The following CDH13 variants were observed in gnomAD, a reference collection of about 807,000 sequenced individuals.
The protein encoded by CDH13 is cadherin 13, also known as cadherin-13.
CDH13 carries 24 observed loss-of-function variants against 63.8 expected under a neutral mutation model. The ratio of observed to expected loss-of-function variants is 0.38; its 90% CI spans 0.27 to 0.53. The LOEUF (loss-of-function observed/expected upper bound fraction) is 0.53, where lower values mean the gene tolerates loss of function less well. Ranked by LOEUF, CDH13 falls within the 20% of genes least tolerant of loss-of-function variation. The pLI, the probability that CDH13 is intolerant of heterozygous loss-of-function variation, is 0.85. For synonymous variants in CDH13, 503 were observed against 355.3 expected (o/e 1.42, Z -4.67); for missense variants, 1,049 against 903.1 (o/e 1.16, Z -2.07).
chr16:83,334,210 C>T (rs1010278038), intron 5 of CDH13, among the ~76,000 whole-genome samples: 1 of 151,976 alleles, frequency 6.6e-6, no homozygotes, highest in African/African-American at 2.4e-5. Flanking sequence ...TTGGGCCTAG[C>T]CAGATGCCAT....
intron 7 of CDH13, among the ~76,000 whole-genome samples, chr16:83,522,103 G>C (rs2074851547): frequency 6.6e-6 from 1 of 152,204 alleles, no homozygotes; most frequent in Admixed American, 6.5e-5. Flanking sequence ...GCTGCGCAGA[G>C]TGCAGGTCCA....
chr16:82,837,733 C>G (rs768945541), intron 1 of CDH13, among the ~76,000 whole-genome samples: 4 of 152,172 alleles, frequency 2.6e-5, no homozygotes, highest in Non-Finnish European at 4.4e-5. Context: ...GGGAGCTCAT[C>G]GAGCTGGTCA....
intron 6 of CDH13, among the ~76,000 whole-genome samples, chr16:83,404,850 A>C (rs1472904750): frequency 6.6e-6 from 1 of 152,196 alleles, no homozygotes; most frequent in Admixed American, 6.5e-5. Flanking sequence ...GACGCCGTGT[A>C]TATAGTTCTT....
At position 83,501,827 on chromosome 16, in the gene CDH13, A is replaced by G. The variant is rs145664680; in HGVS notation, c.960+15172A>G. On this transcript the variant is annotated intron_variant, in intron 7 of 13. Coordinates refer to ENST00000567109, the MANE Select transcript of CDH13 (RefSeq NM_001257.5). ...CTCAAGGACAACTTTATCTTTTATC[A>G]GACTCATTTCAGGGATTTCTGTATT... 3.0e-3 allele frequency among the ~76,000 whole-genome samples: 452 copies of G among 152,336 alleles called. 7 individuals carry two copies. Among genetic ancestry groups the G allele is most frequent in the African/African-American group, 0.01 (430 of 41,568 alleles).
chr16:83,613,710 G>A (rs1180185363), intron 8 of CDH13, among the ~76,000 whole-genome samples: 1 of 152,096 alleles, frequency 6.6e-6, no homozygotes, highest in Non-Finnish European at 1.5e-5. Context: ...GCGCCCACCT[G>A]TAGTCTCAGC....
intron 2 of CDH13, among the ~76,000 whole-genome samples, chr16:82,939,709 C>A (rs974150029): frequency 1.3e-5 from 2 of 152,156 alleles, no homozygotes; most frequent in South Asian, 4.1e-4. Flanking sequence ...TTCTCCTCAC[C>A]GGTTCCCACT....
chr16:83,648,114 A>G (rs1912009847), intron 8 of CDH13, among the ~76,000 whole-genome samples: 1 of 152,182 alleles, frequency 6.6e-6, no homozygotes, highest in Non-Finnish European at 1.5e-5. Flanking sequence ...TAAAGGCAAC[A>G]AAGCAGGAGT....
rs1007492336 is a variant in CDH13 at position 83,420,829 on chromosome 16, C to T, written c.782-65648C>T. On this transcript the variant is annotated intron_variant, in intron 6 of 13. Transcript: ENST00000567109. ...AGGCCCGAGAGCTCCTGGCAAGTCA[C>T]TGGTGAAAGTCCCAGAGTCCAAAGG... Among the ~76,000 whole-genome samples the T allele has an allele frequency of 2.2e-4, 33 of 152,202 alleles. 1 individual carries two copies. The highest frequency in any genetic ancestry group is 7.7e-4 in the African/African-American group (32 of 41,456).
At chr16:83,727,469 A>T (rs1910543106) in intron 10 of CDH13, among the ~76,000 whole-genome samples, 1 of 151,754 alleles carries the variant, frequency 6.6e-6, no homozygotes, top group African/African-American at 2.4e-5. Context: ...CTCCCAGCAC[A>T]TCTTCTTCTG....
chr16:83,090,735 T>G (rs945085269), intron 3 of CDH13, among the ~76,000 whole-genome samples: 2 of 152,148 alleles, frequency 1.3e-5, no homozygotes, highest in Non-Finnish European at 2.9e-5. Context: ...GATTAAACTT[T>G]AAAACAACAA....
At chr16:83,267,638 C>G (rs149119590) in intron 5 of CDH13, among the ~76,000 whole-genome samples, 29 of 152,218 alleles carry the variant, frequency 1.9e-4, no homozygotes, top group African/African-American at 6.7e-4. Context: ...AGGATGAGTT[C>G]GGCCCCCTTC....
intron 6 of CDH13, among the ~76,000 whole-genome samples, chr16:83,395,329 CAAGG>C (rs1442025158): frequency 1.0e-4 from 15 of 150,648 alleles, no homozygotes; most frequent in South Asian, 2.1e-4. Context: ...AAAAAAAAGT[CAAGG>C]AAGATCAAAT....
At chr16:83,651,913 T>C (rs191036985) in intron 8 of CDH13, among the ~76,000 whole-genome samples, 2 of 152,320 alleles carry the variant, frequency 1.3e-5, no homozygotes, top group East Asian at 1.9e-4. Flanking sequence ...TTTTTTAATG[T>C]GACAGAGTGC....
At chr16:83,112,054 G>A (rs566945507) in intron 3 of CDH13, among the ~76,000 whole-genome samples, 1 of 152,156 alleles carries the variant, frequency 6.6e-6, no homozygotes, top group Non-Finnish European at 1.5e-5. Context: ...GAGTTCTAGG[G>A]CTTTGTTCCA....
At chr16:82,898,503 A>C (rs9936039) in intron 2 of CDH13, among the ~76,000 whole-genome samples, 121,526 of 152,164 alleles carry the variant, frequency 0.8, 48,799 homozygotes, top group African/African-American at 0.88. Context: ...ACAGCTTGGG[A>C]GACAGATTGA....
chr16:83,159,108 C>G (rs2037338380), intron 4 of CDH13, among the ~76,000 whole-genome samples: 1 of 151,894 alleles, frequency 6.6e-6, no homozygotes, highest in Non-Finnish European at 1.5e-5. Context: ...TGTAGCTTAT[C>G]TATTTTTTTC....
intron 5 of CDH13, among the ~76,000 whole-genome samples, chr16:83,270,720 C>A (rs1336901980): frequency 6.6e-6 from 1 of 152,150 alleles, no homozygotes; most frequent in Non-Finnish European, 1.5e-5. Flanking sequence ...TATCTGTCAT[C>A]TTCTATCCTC....
chr16:83,219,828 C>T (rs11864551), intron 5 of CDH13, among the ~76,000 whole-genome samples: 14,444 of 152,278 alleles, frequency 0.095, 1,519 homozygotes, highest in African/African-American at 0.26. Flanking sequence ...AGCAACAAGA[C>T]ACACTGGGTT....
At chr16:83,356,061 A>C (rs1382795369) in intron 6 of CDH13, among the ~76,000 whole-genome samples, 2 of 152,120 alleles carry the variant, frequency 1.3e-5, no homozygotes, top group African/African-American at 2.4e-5. Flanking sequence ...GTATGACTCT[A>C]ATTCTTGTGC....
Sources: allele counts gnomAD v4.1 joint callset (sites outside exome capture counted in the v4.1 genomes callset), GRCh38; gene constraint gnomAD v4.1.1; transcripts MANE v1.5; gene names NCBI Gene and HGNC (gene_info 2026-07-23, HGNC 2026-07-21).